The following LMNTD1 variants were observed in gnomAD, a reference collection of about 807,000 sequenced individuals.
LMNTD1 encodes the protein lamin tail domain containing 1, also known as lamin tail domain-containing protein 1.
A neutral mutation model predicts 50.9 loss-of-function variants in LMNTD1; 35 were observed. That is an observed-to-expected ratio of 0.69 (90% CI 0.53 to 0.91). The LOEUF is 0.91. LMNTD1 is among the 40% of genes least tolerant of loss of function. LMNTD1 has a pLI of 0.00. For synonymous variants in LMNTD1, 153 were observed against 161.9 expected (o/e 0.94, Z 0.42); for missense variants, 470 against 475.5 (o/e 0.99, Z 0.11).
intron 1 of LMNTD1, among the ~76,000 whole-genome samples, chr12:25,622,203 G>T (rs1411352525): frequency 6.6e-6 from 1 of 152,096 alleles, no homozygotes; most frequent in Non-Finnish European, 1.5e-5. Context: ...TTTGGGTTTC[G>T]AATATGCTTC....
At chr12:25,561,697 G>A (rs1364091791) in intron 1 of LMNTD1, among the ~76,000 whole-genome samples, 1 of 152,118 alleles carries the variant, frequency 6.6e-6, no homozygotes. Context: ...GGATATCCTT[G>A]TTAACTTTCT....
In LMNTD1 at chr12:25,626,798, A is replaced by C. The variant is rs577135595; in HGVS notation, c.58+21696T>G. On this transcript the variant is annotated intron_variant, in intron 1 of 7. Coordinates refer to the LMNTD1 transcript ENST00000445693. Reference sequence around the variant, plus strand: ...CAGAATAAACATAAAGATTGCTCCCACCCAAGCTGAAACCTCAAAAACCAA... The same window carrying C: ...CAGAATAAACATAAAGATTGCTCCCCCCCAAGCTGAAACCTCAAAAACCAA... Among the ~76,000 whole-genome samples, 45 of 152,272 alleles carry C rather than the reference A, an allele frequency of 3.0e-4. 2 individuals are homozygous for C. The South Asian group carries it at 9.1e-3, about 31-fold the overall frequency.
intron 1 of LMNTD1, among the ~76,000 whole-genome samples, chr12:25,616,014 T>C (rs1000972634): frequency 6.6e-6 from 1 of 151,974 alleles, no homozygotes; most frequent in Non-Finnish European, 1.5e-5. Context: ...GGTGAACCAA[T>C]TAAGTTCCTG....
intron 1 of LMNTD1, among the ~76,000 whole-genome samples, chr12:25,613,265 T>C (rs961154206): frequency 1.3e-5 from 2 of 152,226 alleles, no homozygotes; most frequent in African/African-American, 4.8e-5. Flanking sequence ...GTTCTTCTTC[T>C]AGACTTTAAA....
At chr12:25,594,600 A>AACAGC (rs1252742864) in intron 1 of LMNTD1, among the ~76,000 whole-genome samples, 3 of 150,386 alleles carry the variant, frequency 2.0e-5, no homozygotes, top group African/African-American at 7.3e-5. Context: ...AACACATCCA[A>AACAGC]ACAGCACATC....
upstream of LMNTD1, among the ~76,000 whole-genome samples, chr12:25,558,251 G>A (rs566129185): frequency 1.3e-5 from 2 of 152,030 alleles, no homozygotes; most frequent in South Asian, 4.1e-4. Flanking sequence ...TTGATCTTTT[G>A]TATTGTTTTC....
chr12:25,549,551 G>A lies in LMNTD1; in HGVS notation c.90-5C>T. The A allele has an allele frequency of 6.7e-7, 1 of 1,499,986 alleles. No individual in the cohort carries two copies. The highest frequency in any genetic ancestry group is 2.3e-5 in the East Asian group (1 of 43,530). The allele number at this position is 1,499,986 out of a possible 1,614,324, so 92.9% of individuals were successfully genotyped here. A position where few individuals can be genotyped will look rare whatever the true frequency, so the allele number is the denominator to read the frequency against. On this transcript the variant is annotated splice_polypyrimidine_tract_variant and splice_region_variant and intron_variant, in intron 2 of 9. Coordinates refer to ENST00000458174, the MANE Select transcript of LMNTD1 (RefSeq NM_001145728.2). ...ACTCCAAGTTTGTCTTCTCTTCTGT[G>A]TACAAAAAATATAATATAAATAAAT...
upstream of LMNTD1, among the ~76,000 whole-genome samples, chr12:25,553,557 TTCTC>T (rs1250044000): frequency 6.6e-6 from 1 of 152,082 alleles, no homozygotes; most frequent in Non-Finnish European, 1.5e-5. Flanking sequence ...TTTTTTTTCT[TTCTC>T]TCTCTCTGGA....
intron 1 of LMNTD1, among the ~76,000 whole-genome samples, chr12:25,627,693 G>T (rs279000): frequency 0.99 from 150,948 of 152,346 alleles, 74,799 homozygotes; most frequent in Middle Eastern, 1. Context: ...ATTAACTAAA[G>T]GTGCATATGT....
intron 2 of LMNTD1, among the ~76,000 whole-genome samples, chr12:25,551,019 G>C (rs192804110): frequency 4.6e-5 from 7 of 152,192 alleles, no homozygotes; most frequent in African/African-American, 7.2e-5. Context: ...TGACCGTAGA[G>C]GTAGTGGGAA....
At chr12:25,585,473 G>C (rs1230224362) in intron 1 of LMNTD1, among the ~76,000 whole-genome samples, 1 of 152,078 alleles carries the variant, frequency 6.6e-6, no homozygotes, top group Non-Finnish European at 1.5e-5. Flanking sequence ...CCAACCAAAA[G>C]GAAAAAACTT....
At chr12:25,612,331 C>T (rs778717373) in intron 1 of LMNTD1, among the ~76,000 whole-genome samples, 1 of 151,564 alleles carries the variant, frequency 6.6e-6, no homozygotes, top group African/African-American at 2.4e-5. Flanking sequence ...CACACACACG[C>T]GCTCCCACTG....
rs953746258 is a variant in LMNTD1, at chr12:25,644,707, T to C, written c.58+3787A>G. On this transcript the variant is annotated intron_variant, in intron 1 of 7. Coordinates refer to the LMNTD1 transcript ENST00000445693. The stretch of plus-strand genomic sequence containing the variant: ...GAATGACACCATGTGGAGAAAGCCA[T>C]AGATGCTGCAGAATAGAAGGAGTTT... Among the ~76,000 whole-genome samples, 14 of 152,226 alleles carry C rather than the reference T, an allele frequency of 9.2e-5. No homozygotes were observed. In the East Asian group the frequency reaches 1.7e-3, roughly 19 times the overall value.
chr12:25,573,298 G>T (rs977097187), intron 1 of LMNTD1, among the ~76,000 whole-genome samples: 1 of 151,970 alleles, frequency 6.6e-6, no homozygotes, highest in African/African-American at 2.4e-5. Flanking sequence ...CCTACTACAA[G>T]TTCCAGATTT....
At chr12:25,548,620 C>G (rs1170093462) in intron 3 of LMNTD1, among the ~76,000 whole-genome samples, 1 of 151,886 alleles carries the variant, frequency 6.6e-6, no homozygotes, top group Non-Finnish European at 1.5e-5. Context: ...CGTACTCTAC[C>G]TGGTGCCTAA....
In LMNTD1 at chr12:25,524,841, A is replaced by T. The variant is rs148388748; in HGVS notation, c.798+1258T>A. ...TAAAATTCAGTTCGAGCCCACAAGG[A>T]GATCTAAAGCTGAGTGGGTGAAGGC... On this transcript the variant is annotated intron_variant, in intron 6 of 9. Coordinates refer to ENST00000458174, the MANE Select transcript of LMNTD1 (RefSeq NM_001145728.2). Among the ~76,000 whole-genome samples the T allele has an allele frequency of 5.3e-3, 804 of 152,290 alleles. 13 individuals carry two copies. The highest frequency in any genetic ancestry group is 0.018 in the African/African-American group (766 of 41,564).
At chr12:25,498,911 CTGG>C (rs1254184480) in intron 9 of LMNTD1, among the ~76,000 whole-genome samples, 1 of 152,116 alleles carries the variant, frequency 6.6e-6, no homozygotes, top group African/African-American at 2.4e-5. Context: ...ATGGCAATGC[CTGG>C]TGAAATGTAA....
chr12:25,638,029 G>T (rs778654998), intron 1 of LMNTD1, among the ~76,000 whole-genome samples: 6 of 151,844 alleles, frequency 4.0e-5, no homozygotes, highest in Non-Finnish European at 8.8e-5. Flanking sequence ...TGCAGGATTG[G>T]TTTCACATTA....
At chr12:25,513,230 C>T (rs1940443643) in intron 8 of LMNTD1, among the ~76,000 whole-genome samples, 1 of 152,146 alleles carries the variant, frequency 6.6e-6, no homozygotes. Context: ...CAAAGTTGGC[C>T]ATGCTCATTG....
Sources: allele counts gnomAD v4.1 joint callset (sites outside exome capture counted in the v4.1 genomes callset), GRCh38; gene constraint gnomAD v4.1.1; transcripts MANE v1.5; gene names NCBI Gene and HGNC (gene_info 2026-07-23, HGNC 2026-07-21).